The following CCDC148 variants were observed in gnomAD, a reference collection of about 807,000 sequenced individuals.
CCDC148 encodes coiled-coil domain containing 148, also known as coiled-coil domain-containing protein 148.
In CCDC148, 89 loss-of-function variants were observed where a neutral mutation model predicts 85.7. That is an observed-to-expected ratio of 1.04 (90% confidence interval 0.87 to 1.24). The LOEUF (loss-of-function observed/expected upper bound fraction) is 1.24. Ranked by LOEUF, CCDC148 falls within the 50% of genes most tolerant of loss-of-function variation. The probability of loss-of-function intolerance (pLI) is 0.00; values close to 1 mark genes in which losing one functional copy is unlikely to be tolerated. For missense variants in CCDC148, 692 were observed against 671.7 expected (o/e 1.03, Z -0.33); for synonymous variants, 230 against 213.9 (o/e 1.08, Z -0.66).
intron 11 of CCDC148, among the ~76,000 whole-genome samples, chr2:158,185,463 C>A (rs2105267576): frequency 6.6e-6 from 1 of 152,176 alleles, no homozygotes; most frequent in South Asian, 2.1e-4. Context: ...TTCGGCAGCT[C>A]CAAGGGTTGG....
intron 6 of CCDC148, 39 bp downstream of exon 6, chr2:158,338,951 A>C (rs1682531491): frequency 3.8e-6 from 6 of 1,599,102 alleles, no homozygotes; most frequent in Non-Finnish European, 5.1e-6. Flanking sequence ...TAAACGACAA[A>C]TTGATAAACA....
Position 158,290,192 on chromosome 2 carries a change from C to A in CCDC148, c.1110+19241G>T, listed in dbSNP as rs945590915. ...GGATGGCAGGTGGCTGAGGAGGGCACAAGCTGGGAGCACCAAGACAAGCTG... is the reference window on the plus strand; with the variant it reads ...GGATGGCAGGTGGCTGAGGAGGGCAAAAGCTGGGAGCACCAAGACAAGCTG... On this transcript the variant is annotated intron_variant, in intron 9 of 13. Coordinates refer to ENST00000283233, the MANE Select transcript of CCDC148 (RefSeq NM_138803.4). Among the ~76,000 whole-genome samples the A allele has an allele frequency of 2.6e-4, 39 of 152,238 alleles. 1 individual carries two copies. Among genetic ancestry groups the A allele is most frequent in the African/African-American group, 9.4e-4 (39 of 41,552 alleles).
intron 1 of CCDC148, among the ~76,000 whole-genome samples, chr2:158,418,136 T>C (rs1574784464): frequency 6.6e-6 from 1 of 151,972 alleles, no homozygotes; most frequent in African/African-American, 2.4e-5. Context: ...CATCACACCG[T>C]GTAATACTAA....
At chr2:158,256,820 A>G (rs948658162) in intron 9 of CCDC148, among the ~76,000 whole-genome samples, 2 of 151,702 alleles carry the variant, frequency 1.3e-5, no homozygotes, top group African/African-American at 4.8e-5. Context: ...CACCATGCCC[A>G]GATCAGATAC....
At chr2:158,268,648 C>T (rs1689575076) in intron 9 of CCDC148, among the ~76,000 whole-genome samples, 1 of 152,056 alleles carries the variant, frequency 6.6e-6, no homozygotes, top group African/African-American at 2.4e-5. Flanking sequence ...GGACTGTTAA[C>T]TATAGTTACC....
chr2:158,192,998 T>C (rs985940665), intron 11 of CCDC148, among the ~76,000 whole-genome samples: 1 of 152,060 alleles, frequency 6.6e-6, no homozygotes, highest in Non-Finnish European at 1.5e-5. Flanking sequence ...TGACTCAAAT[T>C]TTAATCTTTA....
chr2:158,293,905 T>C (rs1691011872), intron 9 of CCDC148, among the ~76,000 whole-genome samples: 1 of 149,798 alleles, frequency 6.7e-6, no homozygotes. Context: ...GTGCAACTTC[T>C]GGAAAACCAA....
intron 1 of CCDC148, among the ~76,000 whole-genome samples, chr2:158,372,254 G>A (rs1192696249): frequency 6.6e-6 from 1 of 151,966 alleles, no homozygotes; most frequent in Non-Finnish European, 1.5e-5. Context: ...TTGGGGCGGG[G>A]GGAAAGGACA....
chr2:158,247,099 T>A (rs556672660), intron 10 of CCDC148, among the ~76,000 whole-genome samples: 1 of 152,088 alleles, frequency 6.6e-6, no homozygotes, highest in Non-Finnish European at 1.5e-5. Flanking sequence ...CGGGTGAAAA[T>A]ACATGCAACC....
intron 9 of CCDC148, among the ~76,000 whole-genome samples, chr2:158,282,962 G>A (rs562423945): frequency 2.2e-4 from 34 of 152,160 alleles, no homozygotes; most frequent in Non-Finnish European, 2.5e-4. Context: ...CAGAGCCCTC[G>A]GAAATAACGC....
intron 9 of CCDC148, among the ~76,000 whole-genome samples, chr2:158,300,907 T>C (rs1304780859): frequency 6.6e-6 from 1 of 152,182 alleles, no homozygotes; most frequent in East Asian, 1.9e-4. Flanking sequence ...TGAACTGAAG[T>C]GCAGTGATGC....
intron 10 of CCDC148, among the ~76,000 whole-genome samples, chr2:158,226,262 T>C (rs1687515507): frequency 6.6e-6 from 1 of 152,002 alleles, no homozygotes; most frequent in Admixed American, 6.6e-5. Context: ...CAGGAAGAAG[T>C]TGAATCTCTG....
At chr2:158,429,649 GTAA>G (rs1295228921) in intron 1 of CCDC148, among the ~76,000 whole-genome samples, 2 of 152,192 alleles carry the variant, frequency 1.3e-5, no homozygotes, top group African/African-American at 2.4e-5. Context: ...GATTAAGGTA[GTAA>G]TAATAAAATT....
intron 9 of CCDC148, among the ~76,000 whole-genome samples, chr2:158,260,239 A>G (rs1574497194): frequency 6.6e-6 from 1 of 152,114 alleles, no homozygotes; most frequent in South Asian, 2.1e-4. Flanking sequence ...AAATTAACAT[A>G]AACAGAACTA....
intron 1 of CCDC148, among the ~76,000 whole-genome samples, chr2:158,382,410 T>G (rs1024795571): frequency 5.3e-5 from 8 of 152,272 alleles, no homozygotes; most frequent in African/African-American, 1.4e-4. Context: ...AGTGCCGACT[T>G]ATGTCTAGAA....
chr2:158,282,184 A>G (rs1690350877), intron 9 of CCDC148, among the ~76,000 whole-genome samples: 1 of 152,054 alleles, frequency 6.6e-6, no homozygotes, highest in South Asian at 2.1e-4. Flanking sequence ...CTGAATGGGC[A>G]AAAACTGGAA....
intron 9 of CCDC148, among the ~76,000 whole-genome samples, chr2:158,256,323 G>A (rs1308500778): frequency 6.6e-6 from 1 of 151,568 alleles, no homozygotes; most frequent in South Asian, 2.1e-4. Context: ...TAAAGGGAGG[G>A]ACTGGATCAG....
intron 10 of CCDC148, among the ~76,000 whole-genome samples, chr2:158,228,560 A>G (rs900544416): frequency 1.3e-5 from 2 of 152,180 alleles, no homozygotes; most frequent in Non-Finnish European, 2.9e-5. Flanking sequence ...AACCAACCCA[A>G]ATGTCCAACA....
At chr2:158,235,780 G>A (rs1031041850) in intron 10 of CCDC148, 2 of 152,178 alleles carry the variant, frequency 1.3e-5, no homozygotes, top group Non-Finnish European at 2.9e-5. Flanking sequence ...AATGTAATAA[G>A]CGGACAACCG....
Sources: gnomAD v4.1 joint callset for allele counts (sites outside exome capture counted in the v4.1 genomes callset) on GRCh38, gnomAD v4.1.1 for gene constraint, MANE v1.5 for transcripts, NCBI Gene and HGNC (gene_info 2026-07-23, HGNC 2026-07-21) for gene names.